Variants in NUDT16 observed in about 807,000 individuals in gnomAD.
NUDT16 encodes U8 snoRNA-decapping enzyme.
In NUDT16, 12 loss-of-function variants were observed where a neutral mutation model predicts 11.7. That is an observed-to-expected ratio of 1.03 (90% confidence interval 0.66 to 1.67). The LOEUF (loss-of-function observed/expected upper bound fraction) is 1.67. Ranked by LOEUF, NUDT16 falls within the 40% of genes most tolerant of loss-of-function variation. NUDT16 has a pLI of 0.00. For synonymous variants in NUDT16, 129 were observed against 122.6 expected, an observed-to-expected ratio of 1.05 and a Z score of -0.35; for missense variants, 303 against 268.9, an observed-to-expected ratio of 1.13 and a Z score of -0.89.
At position 131,385,019 on chromosome 3, in the gene NUDT16, G is replaced by A. The variant is rs1185598522; in HGVS notation, c.*1678G>A. 6.6e-6 allele frequency: 1 copy of A among 152,412 alleles called. No homozygotes were observed. Among genetic ancestry groups the A allele is most frequent in the Non-Finnish European group, 1.5e-5 (1 of 68,258 alleles). The allele number at this position is 152,412 out of a possible 1,614,324, so 9.4% of individuals were successfully genotyped here. A position where few individuals can be genotyped will look rare whatever the true frequency, so the allele number is the denominator to read the frequency against. ...ACTGCAGTGTTGGGGTTTTGCCAGGGAAGTAAAAGGAGTTGAGAGAAAGAT... is the reference window on the plus strand; with the variant it reads ...ACTGCAGTGTTGGGGTTTTGCCAGGAAAGTAAAAGGAGTTGAGAGAAAGAT... On this transcript the variant is annotated 3_prime_UTR_variant, in exon 3 of 3. Coordinates refer to ENST00000521288, the MANE Select transcript of NUDT16 (RefSeq NM_152395.3).
In NUDT16 at chr3:131,383,566, G is replaced by C. The variant is rs1164849614; in HGVS notation, c.*225G>C. ...TCCCAGGCACCCTGGCAGGTTCTCA[G>C]AGCCTGCCTCCTCCCTGTTTATATG... On this transcript the variant is annotated 3_prime_UTR_variant, in exon 3 of 3. Transcript: ENST00000521288. The surrounding 1 kb of genome is among the most constrained non-coding windows in gnomAD (Gnocchi z 4.4). 57 of 917,152 alleles carry C rather than the reference G, an allele frequency of 6.2e-5. No individual in the cohort carries two copies. The highest frequency in any genetic ancestry group is 9.2e-5 in the Non-Finnish European group (57 of 621,582). The allele number at this position is 917,152 out of a possible 1,614,324, so 56.8% of individuals were successfully genotyped here.
At position 131,382,187 on chromosome 3, in the gene NUDT16, G is replaced by T; in HGVS notation, c.280G>T (p.Asp94Tyr). 6.2e-7 allele frequency: 1 copy of T among 1,612,056 alleles called. No individual in the cohort carries two copies. Among genetic ancestry groups the T allele is most frequent in the Non-Finnish European group, 8.5e-7 (1 of 1,179,336 alleles). Residue 94 changes from aspartate to tyrosine, a missense_variant, in exon 2 of 3, where the codon GAC becomes TAC. Physicochemically the swap from Asp to Tyr is radical, Grantham distance 160. Transcript: ENST00000521288. ...TGCCGCTTTCCGCGTGGAGCGCACT[G>T]ACTACCGCAGCTCCCACGTCGGGTC... is the stretch of plus-strand genomic sequence containing the variant. Reference protein sequence around the residue: ...AAAAFRVERTDYRSSHVGSGP... With the variant: ...AAAAFRVERTYYRSSHVGSGP...
rs1438560294 is a variant in NUDT16 at position 131,388,592 on chromosome 3, C to T, written c.*5251C>T. The T allele has an allele frequency of 6.6e-6, 1 of 152,126 alleles. No individual in the cohort carries two copies. The highest frequency in any genetic ancestry group is 1.5e-5 in the Non-Finnish European group (1 of 68,034). The allele number at this position is 152,126 out of a possible 1,614,324, so 9.4% of individuals were successfully genotyped here. On this transcript the variant is annotated 3_prime_UTR_variant, in exon 3 of 3. Transcript: ENST00000521288. ...TACTCATGCAGTTTTACTGGAAAACCATACAGATGTTTTTCAGGAATGTAC... is the reference window on the plus strand; with the variant it reads ...TACTCATGCAGTTTTACTGGAAAACTATACAGATGTTTTTCAGGAATGTAC...
At position 131,381,861 on chromosome 3, in the gene NUDT16, G is replaced by T; in HGVS notation, c.57G>T (p.Trp19Cys). 1 of 1,604,090 alleles carries T rather than the reference G, an allele frequency of 6.2e-7. No individual in the cohort carries two copies. The change falls in exon 1 of 3, where the codon TGG (tryptophan) becomes TGT (cysteine). Residue 19 changes from tryptophan (W) to cysteine (C), a missense_variant. Physicochemically the swap from Trp to Cys is radical, Grantham distance 215 (BLOSUM62 -2). Coordinates refer to ENST00000521288, the MANE Select transcript of NUDT16 (RefSeq NM_152395.3). ...AGGCCCTGGCGCTGGGGTCGGGCTG[G>T]CGTCATGCGTGCCACGCTCTCCTCT... is the stretch of plus-strand genomic sequence containing the variant. Reference protein sequence around the residue: ...LGEALALGSGWRHACHALLYA... With the variant: ...LGEALALGSGCRHACHALLYA...
chr3:131,382,461 A>G (rs2110658318), intron 2 of NUDT16, 146 bp downstream of exon 2: 1 of 1,537,138 alleles, frequency 6.5e-7, no homozygotes. Flanking sequence ...TGGGATCGTG[A>G]TCATCTATAC....
chr3:131,382,174 C>A lies in NUDT16; in HGVS notation c.267C>A (p.Arg89=). Residue 89 remains arginine, a synonymous_variant, in exon 2 of 3, where the codon CGC becomes CGA. Coordinates refer to ENST00000521288, the MANE Select transcript of NUDT16 (RefSeq NM_152395.3). The part of the protein sequence containing the change: ...EELGEAAAAF[R]VERTDYRSSH... ...TGGGCGAAGCGGCTGCCGCTTTCCGCGTGGAGCGCACTGACTACCGCAGCT... is the reference window on the plus strand; with the variant it reads ...TGGGCGAAGCGGCTGCCGCTTTCCGAGTGGAGCGCACTGACTACCGCAGCT... 6.2e-7 allele frequency: 1 copy of A among 1,612,228 alleles called. No individual in the cohort carries two copies. Among genetic ancestry groups the A allele is most frequent in the South Asian group, 1.1e-5 (1 of 90,954 alleles).
chr3:131,382,700 T>C (rs986121365), intron 2 of NUDT16: 6 of 1,427,764 alleles, frequency 4.2e-6, no homozygotes, highest in African/African-American at 2.9e-5. Context: ...AGTAGATAGA[T>C]TATGTATGAA....
chr3:131,381,867 T>G lies in NUDT16; in HGVS notation c.63T>G (p.His21Gln). The change falls in exon 1 of 3, where the codon CAT becomes CAG. Residue 21 changes from histidine to glutamine, a missense_variant. Coordinates refer to ENST00000521288, the MANE Select transcript of NUDT16 (RefSeq NM_152395.3). ...EALALGSGWR[H>Q]ACHALLYAPD... ...TGGCGCTGGGGTCGGGCTGGCGTCA[T>G]GCGTGCCACGCTCTCCTCTACGCGC... is the stretch of plus-strand genomic sequence containing the variant. 6 of 1,606,304 alleles carry G rather than the reference T, an allele frequency of 3.7e-6. No homozygotes were observed. Among genetic ancestry groups the G allele is most frequent in the Non-Finnish European group, 5.1e-6 (6 of 1,179,356 alleles).
In NUDT16 at chr3:131,383,856, T is replaced by C; in HGVS notation, c.*515T>C. 5.2e-6 allele frequency: 1 copy of C among 193,758 alleles called. No homozygotes were observed. The allele number at this position is 193,758 out of a possible 1,614,324, so 12.0% of individuals were successfully genotyped here. A position where few individuals can be genotyped will look rare whatever the true frequency, so the allele number is the denominator to read the frequency against. ...GTGCTTTCTGAAAATAGACTTGCTC[T>C]TGTCTTGAGTGGTGACCAAAGCAGT... On this transcript the variant is annotated 3_prime_UTR_variant, in exon 3 of 3. Transcript: ENST00000521288. This position sits in a 1 kb window ranked among gnomAD's most constrained non-coding sequence, Gnocchi z 4.4.
Position 131,387,783 on chromosome 3 carries a change from C to G in NUDT16, c.*4442C>G, listed in dbSNP as rs1438659214. On this transcript the variant is annotated 3_prime_UTR_variant, in exon 3 of 3. Transcript: ENST00000521288. The stretch of plus-strand genomic sequence containing the variant: ...AACATCCTATTATCCAGCACTAGTC[C>G]TAGGTTGTGGATGTAGGGAAAGGCC... 1 of 152,248 alleles carries G rather than the reference C, an allele frequency of 6.6e-6. No individual in the cohort carries two copies. The highest frequency in any genetic ancestry group is 1.5e-5 in the Non-Finnish European group (1 of 68,078). The allele number at this position is 152,248 out of a possible 1,614,324, so 9.4% of individuals were successfully genotyped here.
At position 131,382,032 on chromosome 3, in the gene NUDT16, TC is replaced by T; in HGVS notation, c.139-9del. ...TGGGGCGCCCCTGCCAATCCCCGCT[TC>T]CCCCTCCCGCAGATGCAGATGCGCT... On this transcript the variant is annotated splice_polypyrimidine_tract_variant and intron_variant, in intron 1 of 2. Coordinates refer to ENST00000521288, the MANE Select transcript of NUDT16 (RefSeq NM_152395.3). 6.3e-7 allele frequency: 1 copy of T among 1,577,068 alleles called. No individual in the cohort carries two copies. The highest frequency in any genetic ancestry group is 1.4e-5 in the African/African-American group (1 of 73,824).
rs375681107 is a variant in NUDT16 at position 131,381,878 on chromosome 3, C to T, written c.74C>T (p.Ala25Val). ...LGSGWRHACH[A>V]LLYAPDPGML... ...TCGGGCTGGCGTCATGCGTGCCACG[C>T]TCTCCTCTACGCGCCGGACCCTGGG... Residue 25 changes from alanine to valine, a missense_variant, in exon 1 of 3, where the codon GCT becomes GTT. Physicochemically the swap from Ala to Val is moderately conservative, Grantham distance 64 (BLOSUM62 0). Coordinates refer to ENST00000521288, the MANE Select transcript of NUDT16 (RefSeq NM_152395.3). 3 of 1,608,332 alleles carry T rather than the reference C, an allele frequency of 1.9e-6. No homozygotes were observed. The highest frequency in any genetic ancestry group is 2.5e-6 in the Non-Finnish European group (3 of 1,179,602).
chr3:131,383,341 G>C lies in NUDT16; in HGVS notation c.588G>C (p.Ter196TyrextTer8). 6.2e-7 allele frequency: 1 copy of C among 1,614,060 alleles called. No individual in the cohort carries two copies. Among genetic ancestry groups the C allele is most frequent in the South Asian group, 1.1e-5 (1 of 91,058 alleles). Residue 196 changes from the stop codon to tyrosine, a stop_lost, in exon 3 of 3, where the codon TAG (stop) becomes TAC (tyrosine). Coordinates refer to ENST00000521288, the MANE Select transcript of NUDT16 (RefSeq NM_152395.3). This position sits in a 1 kb window ranked among gnomAD's most constrained non-coding sequence, Gnocchi z 4.4. The stretch of plus-strand genomic sequence containing the variant: ...GCCTTAAGATTCCAGCTCATCACTA[G>C]AGGCAGCCCTCCATGGACCCATGAA... ...ISGLKIPAHH[*>Y]
chr3:131,381,963 G>A, intron 1 of NUDT16, 21 bp downstream of exon 1: 1 of 1,602,308 alleles, frequency 6.2e-7, no homozygotes, highest in South Asian at 1.1e-5. Context: ...GGCGCGCCCG[G>A]CCACTTTCTG....
Position 131,381,889 on chromosome 3 carries a change from G to A in NUDT16, c.85G>A (p.Ala29Thr). The change falls in exon 1 of 3, where the codon GCG becomes ACG. Residue 29 changes from alanine (A) to threonine (T), a missense_variant. By Grantham distance (58) the Ala-to-Thr change is moderately conservative. Transcript: ENST00000521288. ...TCATGCGTGCCACGCTCTCCTCTAC[G>A]CGCCGGACCCTGGGATGCTCTTCGG... ...WRHACHALLY[A>T]PDPGMLFGRI... The A allele has an allele frequency of 6.2e-7, 1 of 1,609,898 alleles. No individual in the cohort carries two copies. Among genetic ancestry groups the A allele is most frequent in the Non-Finnish European group, 8.5e-7 (1 of 1,179,648 alleles).
rs775615769 is a variant in NUDT16 at position 131,383,327 on chromosome 3, C to T, written c.574C>T (p.Pro192Ser). 8 of 1,614,098 alleles carry T rather than the reference C, an allele frequency of 5.0e-6. No individual in the cohort carries two copies. Among genetic ancestry groups the T allele is most frequent in the Non-Finnish European group, 5.9e-6 (7 of 1,180,018 alleles). ...TGGCTCTATTTCAGGCCTTAAGATT[C>T]CAGCTCATCACTAGAGGCAGCCCTC... Reference protein sequence around the residue: ...QSGSISGLKIPAHH With the variant: ...QSGSISGLKISAHH Residue 192 changes from proline (P) to serine (S), a missense_variant, in exon 3 of 3, where the codon CCA becomes TCA. By Grantham distance (74) the Pro-to-Ser change is moderately conservative. Coordinates refer to ENST00000521288, the MANE Select transcript of NUDT16 (RefSeq NM_152395.3). The surrounding 1 kb of genome is among the most constrained non-coding windows in gnomAD (Gnocchi z 4.4).
rs1582670328 is a variant in NUDT16 at position 131,387,877 on chromosome 3, C to G, written c.*4536C>G. The G allele has an allele frequency of 6.6e-6, 1 of 152,126 alleles. No homozygotes were observed. Among genetic ancestry groups the G allele is most frequent in the Non-Finnish European group, 1.5e-5 (1 of 68,018 alleles). The allele number at this position is 152,126 out of a possible 1,614,324, so 9.4% of individuals were successfully genotyped here. ...TGAAACCAAAAGAGCAGAATTGCCC[C>G]TAATTGATTTAAGTAAACAGCAAGT... On this transcript the variant is annotated 3_prime_UTR_variant, in exon 3 of 3. Transcript: ENST00000521288.
At chr3:131,381,988 C>T (rs1224893225) in intron 1 of NUDT16, 46 bp downstream of exon 1, 1 of 1,594,512 alleles carries the variant, frequency 6.3e-7, no homozygotes, top group South Asian at 1.1e-5. Context: ...AGCCCCGCAC[C>T]CTCTCTGGTG....
chr3:131,382,350 T>C (rs748208874), intron 2 of NUDT16, 35 bp downstream of exon 2: 6 of 1,611,206 alleles, frequency 3.7e-6, no homozygotes, highest in African/African-American at 1.3e-5. Context: ...CCTTTCCCAA[T>C]TTCCTCTTCT....
Sources: allele counts gnomAD v4.1 joint callset, GRCh38; gene constraint gnomAD v4.1.1; non-coding constraint Gnocchi (gnomAD v3.1); transcripts MANE v1.5; gene names NCBI Gene and HGNC (gene_info 2026-07-23, HGNC 2026-07-21).